Variants in C8orf88 observed in about 807,000 individuals in gnomAD.
C8orf88 encodes uncharacterized protein C8orf88.
In C8orf88, 14 loss-of-function variants were observed where a neutral mutation model predicts 18.4. The ratio of observed to expected loss-of-function variants is 0.76; its 90% CI spans 0.50 to 1.19. The LOEUF is 1.19. Among genes scored for constraint, C8orf88 ranks in the 50% most tolerant of loss-of-function variants. The probability of loss-of-function intolerance (pLI) is 0.00; values close to 1 mark genes in which losing one functional copy is unlikely to be tolerated. For missense variants in C8orf88, 116 were observed against 134.7 expected (o/e 0.86, Z 0.69); for synonymous variants, 45 against 42.9 (o/e 1.05, Z -0.19).
rs1377957191 is a variant in C8orf88, at chr8:90,969,196, C to T, written c.223+1870G>A. Reference sequence around the variant, plus strand: ...TCCACAGCAATATTATTCACAATAGCCAAGAAGTGAAAACAACTCAAATGT... The same window carrying T: ...TCCACAGCAATATTATTCACAATAGTCAAGAAGTGAAAACAACTCAAATGT... On this transcript the variant is annotated intron_variant, in intron 4 of 5. Coordinates refer to ENST00000517562, the MANE Select transcript of C8orf88 (RefSeq NM_001190972.2). 2.6e-5 allele frequency among the ~76,000 whole-genome samples: 4 copies of T among 151,732 alleles called. No homozygotes were observed. The East Asian group carries it at 5.8e-4, about 22-fold the overall frequency.
intron 5 of C8orf88, among the ~76,000 whole-genome samples, chr8:90,960,287 CTAAT>C (rs1174209894): frequency 6.6e-6 from 1 of 151,372 alleles, no homozygotes; most frequent in African/African-American, 2.4e-5. Flanking sequence ...TATAAAAAGA[CTAAT>C]TGAACAGAAT....
At chr8:90,966,644 C>T (rs910161161) in intron 4 of C8orf88, among the ~76,000 whole-genome samples, 1 of 149,972 alleles carries the variant, frequency 6.7e-6, no homozygotes, top group Non-Finnish European at 1.5e-5. Flanking sequence ...AAAAAAATGA[C>T]TCAAATTACT....
intron 4 of C8orf88, among the ~76,000 whole-genome samples, chr8:90,965,782 C>A (rs1366236444): frequency 6.6e-6 from 1 of 151,698 alleles, no homozygotes; most frequent in Non-Finnish European, 1.5e-5. Context: ...TCTTATACAG[C>A]CAATGCATCA....
intron 4 of C8orf88, among the ~76,000 whole-genome samples, chr8:90,970,603 A>G (rs2130311638): frequency 6.6e-6 from 1 of 152,148 alleles, no homozygotes; most frequent in South Asian, 2.1e-4. Context: ...TGGCAATGTG[A>G]TGTAAGTGGA....
At chr8:90,965,422 C>T (rs1192955216) in intron 4 of C8orf88, among the ~76,000 whole-genome samples, 1 of 151,742 alleles carries the variant, frequency 6.6e-6, no homozygotes, top group Non-Finnish European at 1.5e-5. Flanking sequence ...CTGGAGACTA[C>T]AATATCCCAT....
chr8:90,978,622 T>G lies in C8orf88; in HGVS notation c.104A>C (p.Glu35Ala), dbSNP rs1162098187. 6.5e-7 allele frequency: 1 copy of G among 1,531,722 alleles called. No homozygotes were observed. Among genetic ancestry groups the G allele is most frequent in the Non-Finnish European group, 8.7e-7 (1 of 1,144,578 alleles). 94.9% of individuals were successfully genotyped at this position (1,531,722 alleles called of 1,614,324 possible). A position where few individuals can be genotyped will look rare whatever the true frequency, so the allele number is the denominator to read the frequency against. Residue 35 changes from glutamate (E) to alanine (A), a missense_variant, in exon 3 of 6, where the codon GAA (glutamate) becomes GCA (alanine). By Grantham distance (107) the Glu-to-Ala change is moderately radical (BLOSUM62 -1). Coordinates refer to ENST00000517562, the MANE Select transcript of C8orf88 (RefSeq NM_001190972.2). ...TATGCACTGAGTGTTGCATGGATAT[T>G]CGTTTTGAAAGTTGAAAGGGAACAC... is the stretch of plus-strand genomic sequence containing the variant. ...GAVFPFNFQN[E>A]YPCNTQCIQS...
At chr8:90,964,479 G>A (rs1386090526) in intron 4 of C8orf88, among the ~76,000 whole-genome samples, 1 of 151,610 alleles carries the variant, frequency 6.6e-6, no homozygotes, top group Non-Finnish European at 1.5e-5. Flanking sequence ...AATACTGACA[G>A]TTTACTGCTT....
chr8:90,960,496 G>A (rs973236900), intron 5 of C8orf88, among the ~76,000 whole-genome samples: 1 of 151,214 alleles, frequency 6.6e-6, no homozygotes, highest in East Asian at 1.9e-4. Flanking sequence ...TTTAGAGTAT[G>A]GGATAATATT....
chr8:90,958,534 T>G lies in C8orf88; in HGVS notation c.*473A>C, dbSNP rs766178100. The G allele has an allele frequency of 6.5e-6, 1 of 154,720 alleles. No homozygotes were observed. Among genetic ancestry groups the G allele is most frequent in the Admixed American group, 6.6e-5 (1 of 15,168 alleles). 9.6% of individuals were successfully genotyped at this position (154,720 alleles called of 1,614,324 possible). A position where few individuals can be genotyped will look rare whatever the true frequency, so the allele number is the denominator to read the frequency against. On this transcript the variant is annotated 3_prime_UTR_variant, in exon 6 of 6. Transcript: ENST00000517562. ...TGAACATTCTGAATCATTCTAAGCC[T>G]CTGGAGAGACTGTAATGATCCATTC...
At chr8:90,983,873 T>C (rs1811469021) in intron 1 of C8orf88, among the ~76,000 whole-genome samples, 1 of 152,170 alleles carries the variant, frequency 6.6e-6, no homozygotes, top group South Asian at 2.1e-4. Context: ...TGTCCATTTA[T>C]TACATGTGGA....
chr8:90,975,196 A>T (rs1811329982), intron 3 of C8orf88, among the ~76,000 whole-genome samples: 1 of 152,154 alleles, frequency 6.6e-6, no homozygotes, highest in African/African-American at 2.4e-5. Context: ...CTTAAAATTT[A>T]TATGCAAATG....
Position 90,958,928 on chromosome 8 carries a change from C to T in C8orf88, c.*79G>A, listed in dbSNP as rs1191437355. 3.8e-6 allele frequency: 3 copies of T among 791,306 alleles called. No homozygotes were observed. In the Admixed American group the frequency reaches 1.0e-4, roughly 26 times the overall value. The allele number at this position is 791,306 out of a possible 1,614,324, so 49.0% of individuals were successfully genotyped here. A position where few individuals can be genotyped will look rare whatever the true frequency, so the allele number is the denominator to read the frequency against. Reference sequence around the variant, plus strand: ...CAAAATTAAGAATAAATTGAATTGTCACAGTCCATTACAGTTATTGTTGCT... The same window carrying T: ...CAAAATTAAGAATAAATTGAATTGTTACAGTCCATTACAGTTATTGTTGCT... On this transcript the variant is annotated 3_prime_UTR_variant, in exon 6 of 6. Coordinates refer to ENST00000517562, the MANE Select transcript of C8orf88 (RefSeq NM_001190972.2).
At chr8:90,981,859 T>C (rs1279138861) in intron 1 of C8orf88, among the ~76,000 whole-genome samples, 5 of 152,164 alleles carry the variant, frequency 3.3e-5, no homozygotes, top group Non-Finnish European at 7.4e-5. Flanking sequence ...CTCCACTTGA[T>C]TTTGCACCTG....
At chr8:90,959,653 C>T (rs1173224080) in intron 5 of C8orf88, among the ~76,000 whole-genome samples, 5 of 151,134 alleles carry the variant, frequency 3.3e-5, no homozygotes, top group Non-Finnish European at 7.4e-5. Flanking sequence ...AAACTATGAA[C>T]AACATAATGT....
chr8:90,966,695 T>C (rs1189346834), intron 4 of C8orf88, among the ~76,000 whole-genome samples: 1 of 151,838 alleles, frequency 6.6e-6, no homozygotes, highest in Non-Finnish European at 1.5e-5. Flanking sequence ...TGCAACTTTG[T>C]TGAATTTATT....
chr8:90,984,436 T>G (rs1482903892), intron 1 of C8orf88, among the ~76,000 whole-genome samples: 2 of 152,212 alleles, frequency 1.3e-5, no homozygotes, highest in Non-Finnish European at 2.9e-5. Flanking sequence ...ATGACTCAAG[T>G]GGTGAAAGAC....
chr8:90,978,668 G>T lies in C8orf88; in HGVS notation c.74-16C>A. On this transcript the variant is annotated splice_polypyrimidine_tract_variant and intron_variant, in intron 2 of 5. Transcript: ENST00000517562. ...AACACTGCTCCTGTTAGGAGAGGAA[G>T]AAAACAATTTCATAGATCTATTATT... The T allele has an allele frequency of 7.0e-7, 1 of 1,428,670 alleles. No homozygotes were observed. The highest frequency in any genetic ancestry group is 9.4e-7 in the Non-Finnish European group (1 of 1,063,846). The allele number at this position is 1,428,670 out of a possible 1,614,324, so 88.5% of individuals were successfully genotyped here. A position where few individuals can be genotyped will look rare whatever the true frequency, so the allele number is the denominator to read the frequency against.
At chr8:90,970,340 A>G (rs1039493583) in intron 4 of C8orf88, among the ~76,000 whole-genome samples, 1 of 152,052 alleles carries the variant, frequency 6.6e-6, no homozygotes, top group Non-Finnish European at 1.5e-5. Flanking sequence ...ATTTAGAAAT[A>G]TGAGGATAAA....
At chr8:90,985,270 A>C (rs1020420214), upstream of C8orf88, 1 of 2,024 alleles carries the variant, frequency 4.9e-4, no homozygotes, top group Non-Finnish European at 1.1e-3. Context: ...GCGGGGGGCG[A>C]GGGGCGGGGG....
Sources: allele counts gnomAD v4.1 joint callset (sites outside exome capture counted in the v4.1 genomes callset), GRCh38; gene constraint gnomAD v4.1.1; transcripts MANE v1.5; gene names NCBI Gene and HGNC (gene_info 2026-07-23, HGNC 2026-07-21).